UBE2Q2: variants seen among roughly 807,000 people sequenced by gnomAD.
UBE2Q2 encodes the protein ubiquitin-conjugating enzyme E2 Q2.
Under a neutral mutation model 59.9 loss-of-function variants are expected in UBE2Q2, and 54 were observed. The observed-to-expected ratio is 0.90, with a 90% CI of 0.72 to 1.13. UBE2Q2 has a LOEUF of 1.13. Ranked by LOEUF, UBE2Q2 falls within the 50% of genes most tolerant of loss-of-function variation. UBE2Q2 has a pLI of 0.00. For missense variants in UBE2Q2, 433 were observed against 441.9 expected, an observed-to-expected ratio of 0.98 and a Z score of 0.18; for synonymous variants, 165 against 155.2, an observed-to-expected ratio of 1.06 and a Z score of -0.47.
chr15:75,872,083 C>T (rs900188494), intron 4 of UBE2Q2, among the ~76,000 whole-genome samples: 1 of 151,988 alleles, frequency 6.6e-6, no homozygotes, highest in Non-Finnish European at 1.5e-5. Flanking sequence ...AGTATGGAGT[C>T]ATGGGCAGAG....
chr15:75,844,353 A>G lies in UBE2Q2; in HGVS notation c.180+507A>G, dbSNP rs1050135928. On this transcript the variant is annotated intron_variant, in intron 1 of 12. Coordinates refer to ENST00000267938, the MANE Select transcript of UBE2Q2 (RefSeq NM_173469.4). The stretch of plus-strand genomic sequence containing the variant: ...AGTTTGCGTTTAAGGAGAAACTGAC[A>G]ATGAGAATGGACTCGTTGACGGAGG... The G allele has an allele frequency of 1.9e-6, 3 of 1,550,572 alleles. No homozygotes were observed. The African/African-American group carries it at 4.1e-5, about 21-fold the overall frequency.
At chr15:75,873,281 T>C (rs1294856838) in intron 4 of UBE2Q2, 147 bp from the exon 5 acceptor site, 1 of 580,800 alleles carries the variant, frequency 1.7e-6, no homozygotes, top group Non-Finnish European at 2.8e-6. Flanking sequence ...GAATGGAATG[T>C]GGGGGCTTTT....
intron 8 of UBE2Q2, among the ~76,000 whole-genome samples, chr15:75,881,304 A>G (rs113873349): frequency 0.012 from 1,784 of 151,308 alleles, 27 homozygotes; most frequent in African/African-American, 0.041. Flanking sequence ...TTTGAGAGGT[A>G]TCTTTACGGG....
intron 1 of UBE2Q2, among the ~76,000 whole-genome samples, chr15:75,852,386 C>CT (rs1595855464): frequency 6.6e-6 from 1 of 152,122 alleles, no homozygotes; most frequent in African/African-American, 2.4e-5. Flanking sequence ...TAGTTTGGAC[C>CT]TGGGGGTCTG....
At chr15:75,865,869 T>C in intron 3 of UBE2Q2, among the ~76,000 whole-genome samples, 1 of 151,966 alleles carries the variant, frequency 6.6e-6, no homozygotes, top group African/African-American at 2.4e-5. Flanking sequence ...CCTTGAATAC[T>C]TGCTGTCTGT....
chr15:75,858,745 G>A (rs1353657922), intron 2 of UBE2Q2, among the ~76,000 whole-genome samples: 1 of 152,176 alleles, frequency 6.6e-6, no homozygotes, highest in Non-Finnish European at 1.5e-5. Flanking sequence ...TGTCCGGATT[G>A]CTCTGCCTCA....
chr15:75,865,387 A>G (rs971332577), intron 3 of UBE2Q2, among the ~76,000 whole-genome samples: 1 of 152,018 alleles, frequency 6.6e-6, no homozygotes, highest in Non-Finnish European at 1.5e-5. Flanking sequence ...TATTTATTCC[A>G]TTGTTTGAAT....
At chr15:75,863,232 C>T (rs946080240) in intron 3 of UBE2Q2, among the ~76,000 whole-genome samples, 2 of 152,210 alleles carry the variant, frequency 1.3e-5, no homozygotes, top group East Asian at 1.9e-4. Flanking sequence ...TCCCCCTAAC[C>T]TCCACCTTTG....
intron 3 of UBE2Q2, among the ~76,000 whole-genome samples, chr15:75,864,445 A>C (rs1176980099): frequency 6.6e-6 from 1 of 152,166 alleles, no homozygotes; most frequent in East Asian, 1.9e-4. Context: ...AGAACCCTCC[A>C]CAAAGAATTG....
At chr15:75,895,288 G>A (rs62027568) in intron 11 of UBE2Q2, 140,816 of 151,906 alleles carry the variant, frequency 0.93, 65,789 homozygotes, top group East Asian at 1. Context: ...GGGTTCAAGC[G>A]ATTCTCCTGC....
At chr15:75,887,766 T>C (rs1898866233) in intron 9 of UBE2Q2, among the ~76,000 whole-genome samples, 2 of 152,134 alleles carry the variant, frequency 1.3e-5, no homozygotes, top group Admixed American at 6.5e-5. Flanking sequence ...CACGCTGTTG[T>C]CTTAGAGTGA....
chr15:75,845,785 G>C (rs1185631012), intron 1 of UBE2Q2, among the ~76,000 whole-genome samples: 2 of 152,154 alleles, frequency 1.3e-5, no homozygotes, highest in East Asian at 3.8e-4. Context: ...AGTGCCACTG[G>C]TGCCCCATCG....
Position 75,883,466 on chromosome 15 carries a change from A to C in UBE2Q2, c.884+42A>C, listed in dbSNP as rs765382926. 4.6e-6 allele frequency: 7 copies of C among 1,532,958 alleles called. No individual in the cohort carries two copies. The African/African-American group carries it at 9.7e-5, about 21-fold the overall frequency. 95.0% of individuals were successfully genotyped at this position (1,532,958 alleles called of 1,614,324 possible). A position where few individuals can be genotyped will look rare whatever the true frequency, so the allele number is the denominator to read the frequency against. On this transcript the variant is annotated intron_variant, in intron 9 of 12. Transcript: ENST00000267938. ...ACTTAAAAAGAAATTTTTTTCAGTT[A>C]AAAAAAATTTTTTTTTATAGGGACG...
At chr15:75,863,659 T>C (rs1467898475) in intron 3 of UBE2Q2, among the ~76,000 whole-genome samples, 1 of 151,512 alleles carries the variant, frequency 6.6e-6, no homozygotes, top group Non-Finnish European at 1.5e-5. Flanking sequence ...TTTTTTTTTT[T>C]CTGAGTTGGA....
At chr15:75,878,600 TAAAAAAAAAAAA>T (rs142315305) in intron 7 of UBE2Q2, among the ~76,000 whole-genome samples, 3 of 86,058 alleles carry the variant, frequency 3.5e-5, no homozygotes, top group Admixed American at 1.5e-4. Context: ...CCCGGTCTCT[TAAAAAAAAAAAA>T]AAAAAAAAAA....
intron 1 of UBE2Q2, among the ~76,000 whole-genome samples, chr15:75,850,887 C>T (rs1327036038): frequency 6.6e-6 from 1 of 152,190 alleles, no homozygotes; most frequent in African/African-American, 2.4e-5. Flanking sequence ...TCTTTAAAAA[C>T]TCATCACATA....
At chr15:75,872,837 T>G (rs1455153444) in intron 4 of UBE2Q2, among the ~76,000 whole-genome samples, 1 of 152,148 alleles carries the variant, frequency 6.6e-6, no homozygotes, top group East Asian at 1.9e-4. Context: ...TTTTCTGTGC[T>G]TATTTCAGCG....
chr15:75,864,562 G>A (rs1371381905), intron 3 of UBE2Q2, among the ~76,000 whole-genome samples: 1 of 149,784 alleles, frequency 6.7e-6, no homozygotes, highest in African/African-American at 2.5e-5. Flanking sequence ...TCTATGTATC[G>A]GTCTCCAGAT....
chr15:75,845,435 C>T (rs1896294314), intron 1 of UBE2Q2, among the ~76,000 whole-genome samples: 1 of 152,078 alleles, frequency 6.6e-6, no homozygotes, highest in Non-Finnish European at 1.5e-5. Flanking sequence ...TGTCATGAAG[C>T]AGGTGTTTTA....
Sources: allele counts gnomAD v4.1 joint callset (sites outside exome capture counted in the v4.1 genomes callset), GRCh38; gene constraint gnomAD v4.1.1; transcripts MANE v1.5; gene names NCBI Gene and HGNC (gene_info 2026-07-23, HGNC 2026-07-21).